The following OR4N2 variants were observed in gnomAD, a reference collection of about 807,000 sequenced individuals.
OR4N2 encodes the protein olfactory receptor 4N2.
For missense variants in OR4N2, 307 were observed against 377.6 expected (o/e 0.81, Z 1.55); for synonymous variants, 141 against 140.4 (o/e 1.00, Z -0.03).
In OR4N2 at chr14:19,828,462, G is replaced by A. The variant is rs1302217137; in HGVS notation, c.*90G>A. The A allele has an allele frequency of 8.1e-6, 10 of 1,240,134 alleles. No homozygotes were observed. Among genetic ancestry groups the A allele is most frequent in the Admixed American group, 2.7e-5 (1 of 36,996 alleles). The allele number at this position is 1,240,134 out of a possible 1,614,324, so 76.8% of individuals were successfully genotyped here. On this transcript the variant is annotated 3_prime_UTR_variant, in exon 2 of 2. Coordinates refer to ENST00000557677, the MANE Select transcript of OR4N2 (RefSeq NM_001004723.3). ...TATTTCCAAGTACTGCAATCACTGA[G>A]TACCTCCCATTTGTCAGGACTATTC...
intron 1 of OR4N2, among the ~76,000 whole-genome samples, chr14:19,815,665 T>G (rs1211126015): frequency 9.9e-5 from 15 of 151,450 alleles, no homozygotes; most frequent in South Asian, 4.2e-4. Context: ...GTTTTTTTTT[T>G]TTTTGTTTTT....
At position 19,828,371 on chromosome 14, in the gene OR4N2, GA is replaced by G. The variant is rs1233785490; in HGVS notation, c.*4del. ...MKKVFNKHIA[*>X] The stretch of plus-strand genomic sequence containing the variant: ...AAGGTGTTTAATAAGCACATAGCCT[GA>G]AAAAGGGCGCAAAAAAAAAAAGAAT... On this transcript the variant is annotated frameshift_variant and stop_lost, in exon 2 of 2. Transcript: ENST00000557677. LOFTEE classifies it high-confidence loss of function. The G allele has an allele frequency of 6.4e-7, 1 of 1,553,604 alleles. No homozygotes were observed. The highest frequency in any genetic ancestry group is 1.5e-5 in the African/African-American group (1 of 67,334).
chr14:19,814,318 G>A (rs144435337), intron 1 of OR4N2, among the ~76,000 whole-genome samples: 3,168 of 151,854 alleles, frequency 0.021, 26 homozygotes, highest in African/African-American at 0.068. Flanking sequence ...TGCTATGTAG[G>A]AGGTCACCTT....
At chr14:19,808,668 A>G (rs184931689) in intron 1 of OR4N2, among the ~76,000 whole-genome samples, 155 of 152,298 alleles carry the variant, frequency 1.0e-3, no homozygotes, top group Admixed American at 1.6e-3. Context: ...CTACAGTTTA[A>G]TGGTATTTCT....
intron 1 of OR4N2, among the ~76,000 whole-genome samples, chr14:19,810,917 A>C (rs1446266710): frequency 1.3e-5 from 2 of 152,260 alleles, no homozygotes; most frequent in Non-Finnish European, 2.9e-5. Context: ...ATATGACAAA[A>C]CACATTCGCC....
At chr14:19,811,633 G>A (rs1879299540) in intron 1 of OR4N2, among the ~76,000 whole-genome samples, 1 of 152,242 alleles carries the variant, frequency 6.6e-6, no homozygotes, top group Non-Finnish European at 1.5e-5. Context: ...TCCCAAAAAC[G>A]ATAGTTGGCT....
At chr14:19,803,908 A>G (rs1879086774) in intron 1 of OR4N2, 64 bp downstream of exon 1, 1 of 152,220 alleles carries the variant, frequency 6.6e-6, no homozygotes, top group Non-Finnish European at 1.5e-5. Context: ...CAGGGTTTCA[A>G]TTTCTTCCTA....
rs867839036 is a variant in OR4N2 at position 19,818,059 on chromosome 14, T to C, written c.-9-9381T>C. Reference sequence around the variant, plus strand: ...GCACTGTGGTCTGAGAGACTATTTGTTATGATTTCTGTTCTTTTGCATTTG... The same window carrying C: ...GCACTGTGGTCTGAGAGACTATTTGCTATGATTTCTGTTCTTTTGCATTTG... On this transcript the variant is annotated intron_variant, in intron 1 of 1. Coordinates refer to ENST00000557677, the MANE Select transcript of OR4N2 (RefSeq NM_001004723.3). Among the ~76,000 whole-genome samples the C allele has an allele frequency of 7.8e-3, 1,186 of 152,270 alleles. 8 individuals are homozygous for C. Among genetic ancestry groups the C allele is most frequent in the African/African-American group, 0.026 (1,097 of 41,492 alleles).
Position 19,805,597 on chromosome 14 carries a change from A to G in OR4N2, c.-10+1753A>G, listed in dbSNP as rs560231431. 5.7e-4 allele frequency among the ~76,000 whole-genome samples: 87 copies of G among 152,304 alleles called. 1 individual carries two copies. The highest frequency in any genetic ancestry group is 2.0e-3 in the African/African-American group (82 of 41,602). ...CTTCTGAGAAAGATTACATAAAGAG[A>G]CCAAATCTACAACTCATTACCATTA... On this transcript the variant is annotated intron_variant, in intron 1 of 1. Coordinates refer to ENST00000557677, the MANE Select transcript of OR4N2 (RefSeq NM_001004723.3).
At chr14:19,812,384 C>T (rs1488683177) in intron 1 of OR4N2, among the ~76,000 whole-genome samples, 2 of 138,720 alleles carry the variant, frequency 1.4e-5, no homozygotes, top group African/African-American at 2.7e-5. Flanking sequence ...TGGATCTCGA[C>T]AGTGGCGCAA....
intron 1 of OR4N2, among the ~76,000 whole-genome samples, chr14:19,821,716 T>G (rs942786484): frequency 3.3e-5 from 5 of 152,276 alleles, no homozygotes; most frequent in African/African-American, 9.6e-5. Context: ...TTAAAAAAAT[T>G]TAGTTCTTGC....
intron 1 of OR4N2, among the ~76,000 whole-genome samples, chr14:19,811,526 G>T (rs1426112064): frequency 1.3e-5 from 2 of 152,376 alleles, no homozygotes; most frequent in East Asian, 3.9e-4. Context: ...GACTATAGGC[G>T]TGAGCCACCC....
intron 1 of OR4N2, among the ~76,000 whole-genome samples, chr14:19,820,331 T>G (rs1879533274): frequency 6.6e-6 from 1 of 152,292 alleles, no homozygotes; most frequent in East Asian, 1.9e-4. Context: ...TGCTAGCTTT[T>G]GAATTTGTCT....
chr14:19,811,068 C>T (rs745847066), intron 1 of OR4N2, among the ~76,000 whole-genome samples: 1 of 152,146 alleles, frequency 6.6e-6, no homozygotes, highest in Non-Finnish European at 1.5e-5. Flanking sequence ...ATGTAAGAAA[C>T]GGGTAATGCC....
chr14:19,821,703 C>G (rs1301399801), intron 1 of OR4N2, among the ~76,000 whole-genome samples: 1 of 152,310 alleles, frequency 6.6e-6, no homozygotes, highest in African/African-American at 2.4e-5. Flanking sequence ...TTATGTAGCA[C>G]ATTTAAAAAA....
intron 1 of OR4N2, 96 bp downstream of exon 1, chr14:19,803,940 T>C (rs1482336293): frequency 6.6e-6 from 1 of 152,254 alleles, no homozygotes. Flanking sequence ...GGAGGTTGTA[T>C]GTTTCTAATA....
chr14:19,812,925 G>C (rs1879338236), intron 1 of OR4N2, among the ~76,000 whole-genome samples: 4 of 152,148 alleles, frequency 2.6e-5, no homozygotes, highest in Admixed American at 1.3e-4. Context: ...TGCATAAATT[G>C]AATATAATTT....
intron 1 of OR4N2, among the ~76,000 whole-genome samples, chr14:19,814,647 A>G (rs1879381036): frequency 6.6e-6 from 1 of 152,268 alleles, no homozygotes; most frequent in Non-Finnish European, 1.5e-5. Context: ...CTGAGGCAAC[A>G]GGAAAAATAA....
chr14:19,820,978 GA>G (rs927882687), intron 1 of OR4N2, among the ~76,000 whole-genome samples: 13 of 152,074 alleles, frequency 8.5e-5, no homozygotes, highest in Non-Finnish European at 1.0e-4. Context: ...ACTGGGGTAT[GA>G]AAAAAAACTC....
Sources: gnomAD v4.1 joint callset for allele counts (sites outside exome capture counted in the v4.1 genomes callset) on GRCh38, gnomAD v4.1.1 for gene constraint, MANE v1.5 for transcripts, NCBI Gene and HGNC (gene_info 2026-07-23, HGNC 2026-07-21) for gene names.